The following NAA35 variants were observed in gnomAD, a reference collection of about 807,000 sequenced individuals.
NAA35 encodes MAK10 homolog, amino-acid N-acetyltransferase subunit.
Under a neutral mutation model 101.7 loss-of-function variants are expected in NAA35, and 18 were observed. The observed-to-expected ratio is 0.18, with a 90% CI of 0.12 to 0.26. The LOEUF (loss-of-function observed/expected upper bound fraction) is 0.26. NAA35 is among the 10% of genes least tolerant of loss of function. The pLI, the probability that NAA35 is intolerant of heterozygous loss-of-function variation, is 1.00. For missense variants in NAA35, 601 were observed against 886.8 expected (o/e 0.68, Z 4.09); for synonymous variants, 267 against 273.1 (o/e 0.98, Z 0.22).
At chr9:86,008,756 G>A (rs912534768) in intron 14 of NAA35, among the ~76,000 whole-genome samples, 2 of 152,214 alleles carry the variant, frequency 1.3e-5, no homozygotes, top group African/African-American at 4.8e-5. Context: ...TGTTATAGAT[G>A]AGAATCCTCT....
chr9:86,004,198 G>T (rs531287447), intron 13 of NAA35, among the ~76,000 whole-genome samples: 1 of 152,070 alleles, frequency 6.6e-6, no homozygotes, highest in African/African-American at 2.4e-5. Context: ...TCCGCCTCCC[G>T]GGTTCAAGTG....
At chr9:85,982,515 A>T (rs942516760) in intron 11 of NAA35, among the ~76,000 whole-genome samples, 1 of 152,130 alleles carries the variant, frequency 6.6e-6, no homozygotes, top group African/African-American at 2.4e-5. Context: ...TTCTCTTTCC[A>T]TGTTCACTCA....
At chr9:86,007,284 A>G (rs1433435070) in intron 13 of NAA35, 74 bp from the exon 14 acceptor site, 5 of 1,069,200 alleles carry the variant, frequency 4.7e-6, no homozygotes, top group African/African-American at 1.6e-5. Flanking sequence ...TGTGGCATTT[A>G]TAAGTATACT....
In NAA35 at chr9:86,018,682, C is replaced by T. The variant is rs914271555; in HGVS notation, c.1915-17C>T. The stretch of plus-strand genomic sequence containing the variant: ...CATATTAAACGTGTTTTGAATTATA[C>T]TTCCCCTTCTTTTTAGGAAATGTCT... On this transcript the variant is annotated splice_polypyrimidine_tract_variant and intron_variant, in intron 20 of 22. Coordinates refer to ENST00000361671, the MANE Select transcript of NAA35 (RefSeq NM_024635.4). 1.2e-6 allele frequency: 2 copies of T among 1,605,400 alleles called. No homozygotes were observed. The highest frequency in any genetic ancestry group is 3.5e-5 in the Admixed American group (2 of 57,556).
intron 21 of NAA35, among the ~76,000 whole-genome samples, chr9:86,019,030 C>T (rs1832386474): frequency 6.6e-6 from 1 of 152,138 alleles, no homozygotes; most frequent in Non-Finnish European, 1.5e-5. Flanking sequence ...TAAATATCTG[C>T]TTTGTATAAA....
chr9:86,012,998 A>C, intron 15 of NAA35, 48 bp from the exon 16 acceptor site: 2 of 1,262,466 alleles, frequency 1.6e-6, no homozygotes, highest in Non-Finnish European at 2.2e-6. Context: ...TTTCTTTGGT[A>C]CTAGGAAATT....
In NAA35 at chr9:85,962,062, T is replaced by A; in HGVS notation, c.398T>A (p.Leu133His). 6.2e-7 allele frequency: 1 copy of A among 1,614,028 alleles called. No homozygotes were observed. Residue 133 changes from leucine (L) to histidine (H), a missense_variant, in exon 6 of 23, where the codon CTT becomes CAT. Transcript: ENST00000361671. ...CTGGCACAGACAGTATTTACGTGCC[T>A]TTACATTCATAATCCAGACTTTATA... ...HSLAQTVFTC[L>H]YIHNPDFIED...
rs57176834 is a variant in NAA35 at position 85,941,517 on chromosome 9, A to T, written c.-6+244A>T. 0.032 allele frequency: 31,695 copies of T among 985,402 alleles called. 3,381 individuals are homozygous for T. In the African/African-American group the frequency reaches 0.33, roughly 10 times the overall value. 61.0% of individuals were successfully genotyped at this position (985,402 alleles called of 1,614,324 possible). The stretch of plus-strand genomic sequence containing the variant: ...CGTGCCCGCCCTCCCGCGCGGCGAC[A>T]GCTCTGTCCTTGCTTATGCGCCCAG... On this transcript the variant is annotated intron_variant, in intron 1 of 22. Transcript: ENST00000361671.
chr9:85,995,021 G>T (rs770153055), intron 11 of NAA35, among the ~76,000 whole-genome samples: 1 of 151,836 alleles, frequency 6.6e-6, no homozygotes, highest in Admixed American at 6.6e-5. Context: ...TCATACATCA[G>T]TTTTTAAAAA....
At chr9:85,963,301 A>G (rs1482555842) in intron 6 of NAA35, among the ~76,000 whole-genome samples, 1 of 73,668 alleles carries the variant, frequency 1.4e-5, no homozygotes. Flanking sequence ...AGGGGGTTTT[A>G]GTCCTGTTGC....
rs536377034 is a variant in NAA35, at chr9:85,972,335, A to G, written c.517-2632A>G. Among the ~76,000 whole-genome samples the G allele has an allele frequency of 4.6e-5, 7 of 151,786 alleles. No homozygotes were observed. The South Asian group carries it at 1.0e-3, about 23-fold the overall frequency. ...AGCCTGGACAACATGGCGAGATCTC[A>G]TCTCTACTAAAAATACAAAAAAATT... On this transcript the variant is annotated intron_variant, in intron 6 of 22. Transcript: ENST00000361671.
intron 3 of NAA35, among the ~76,000 whole-genome samples, chr9:85,957,721 T>C (rs1829337144): frequency 6.6e-6 from 1 of 152,214 alleles, no homozygotes; most frequent in African/African-American, 2.4e-5. Context: ...ATGGCCAGGC[T>C]CAATTTTCAA....
intron 11 of NAA35, among the ~76,000 whole-genome samples, chr9:85,993,423 C>G (rs755973352): frequency 9.2e-5 from 14 of 152,126 alleles, no homozygotes; most frequent in Non-Finnish European, 1.9e-4. Context: ...CCCACCTTGG[C>G]CTCCCAAAGT....
intron 6 of NAA35, among the ~76,000 whole-genome samples, chr9:85,968,055 C>T (rs1044777965): frequency 2.6e-5 from 4 of 152,060 alleles, no homozygotes; most frequent in East Asian, 3.9e-4. Flanking sequence ...CCCTTACGTT[C>T]GGATTATTTT....
chr9:85,980,647 A>G (rs559730786), intron 11 of NAA35, among the ~76,000 whole-genome samples: 34 of 151,708 alleles, frequency 2.2e-4, no homozygotes, highest in Non-Finnish European at 4.6e-4. Context: ...TAGGCCAGGC[A>G]CTCTCTTCTT....
chr9:86,013,926 TGGTG>T, intron 17 of NAA35, 29 bp downstream of exon 17: 2 of 1,530,842 alleles, frequency 1.3e-6, no homozygotes, highest in Non-Finnish European at 1.8e-6. Context: ...TTAAAATTGG[TGGTG>T]GGTGCAATGG....
intron 12 of NAA35, among the ~76,000 whole-genome samples, chr9:86,002,205 T>G (rs1182962812): frequency 6.7e-6 from 1 of 148,658 alleles, no homozygotes; most frequent in Non-Finnish European, 1.5e-5. Context: ...TTTCTTCTTG[T>G]AGGGTTTCAG....
At chr9:86,014,270 G>T in intron 17 of NAA35, 1 of 498,878 alleles carries the variant, frequency 2.0e-6, no homozygotes, top group Non-Finnish European at 2.6e-6. Flanking sequence ...CTTCTTGGAA[G>T]AAATCATGAC....
At chr9:85,994,015 A>G (rs952945248) in intron 11 of NAA35, among the ~76,000 whole-genome samples, 1 of 150,542 alleles carries the variant, frequency 6.6e-6, no homozygotes, top group African/African-American at 2.4e-5. Flanking sequence ...TTACCTGTTT[A>G]AAAATATATG....
Sources: gnomAD v4.1 joint callset for allele counts (sites outside exome capture counted in the v4.1 genomes callset) on GRCh38, gnomAD v4.1.1 for gene constraint, MANE v1.5 for transcripts, NCBI Gene and HGNC (gene_info 2026-07-23, HGNC 2026-07-21) for gene names.